DNAH6: variants seen among roughly 807,000 people sequenced by gnomAD.
DNAH6 encodes the protein axonemal beta dynein heavy chain 6.
A neutral mutation model predicts 491.4 loss-of-function variants in DNAH6; 340 were observed. The ratio of observed to expected loss-of-function variants is 0.69; its 90% CI spans 0.63 to 0.76. The LOEUF (loss-of-function observed/expected upper bound fraction) is 0.76, where lower values mean the gene tolerates loss of function less well. DNAH6 is among the 30% of genes least tolerant of loss of function. The pLI, the probability that DNAH6 is intolerant of heterozygous loss-of-function variation, is 0.00. For synonymous variants in DNAH6, 1,603 were observed against 1,686.1 expected (o/e 0.95, Z 1.21); for missense variants, 4,443 against 4,972.2 (o/e 0.89, Z 3.20).
At chr2:84,718,104 G>C in intron 58 of DNAH6, 100 bp from the exon 59 acceptor site, 1 of 977,394 alleles carries the variant, frequency 1.0e-6, no homozygotes. Context: ...CAGCTGAATA[G>C]TATTCAGAAT....
chr2:84,652,664 A>G (rs1305758253), intron 33 of DNAH6, among the ~76,000 whole-genome samples: 1 of 151,962 alleles, frequency 6.6e-6, no homozygotes, highest in African/African-American at 2.4e-5. Flanking sequence ...TTCTTCTAGT[A>G]CTTTCATCAC....
At chr2:84,552,686 A>G (rs1478843037) in intron 9 of DNAH6, among the ~76,000 whole-genome samples, 1 of 151,698 alleles carries the variant, frequency 6.6e-6, no homozygotes. Flanking sequence ...TTGCCTTTCC[A>G]TTTTGTTGGT....
chr2:84,687,117 G>A (rs1694338702), intron 44 of DNAH6, among the ~76,000 whole-genome samples: 1 of 152,060 alleles, frequency 6.6e-6, no homozygotes, highest in African/African-American at 2.4e-5. Flanking sequence ...ATTCCCTTAT[G>A]AGTTCCTCAA....
chr2:84,720,107 G>C (rs1024470957), intron 59 of DNAH6, among the ~76,000 whole-genome samples: 3 of 151,898 alleles, frequency 2.0e-5, no homozygotes, highest in Non-Finnish European at 4.4e-5. Context: ...CCTTCCATCA[G>C]AAAACCCTCT....
intron 19 of DNAH6, among the ~76,000 whole-genome samples, chr2:84,604,859 GA>G (rs1470650561): frequency 6.6e-6 from 1 of 152,092 alleles, no homozygotes; most frequent in East Asian, 1.9e-4. Context: ...AGCTACCAGA[GA>G]AATCTGTTAA....
intron 70 of DNAH6, among the ~76,000 whole-genome samples, chr2:84,803,963 T>C (rs1397870552): frequency 6.6e-6 from 1 of 152,090 alleles, no homozygotes; most frequent in African/African-American, 2.4e-5. Flanking sequence ...TCCCAGCACT[T>C]TGAGAGGCCA....
intron 14 of DNAH6, among the ~76,000 whole-genome samples, chr2:84,581,401 G>A (rs4832096): frequency 0.93 from 141,833 of 152,302 alleles, 66,091 homozygotes; most frequent in East Asian, 0.99. Flanking sequence ...ATCACTTAGC[G>A]TGGTGCAAAA....
intron 34 of DNAH6, among the ~76,000 whole-genome samples, chr2:84,654,138 GGAGA>G (rs368820315): frequency 2.6e-5 from 4 of 150,970 alleles, no homozygotes; most frequent in East Asian, 1.9e-4. Flanking sequence ...GAAAGAAAGA[GGAGA>G]GAGAGAGAGA....
intron 75 of DNAH6, among the ~76,000 whole-genome samples, 154 bp downstream of exon 75, chr2:84,814,276 A>G (rs1573891099): frequency 6.6e-6 from 1 of 152,232 alleles, no homozygotes; most frequent in South Asian, 2.1e-4. Flanking sequence ...AAGCTCCCCA[A>G]TTAGCAATGA....
intron 64 of DNAH6, among the ~76,000 whole-genome samples, chr2:84,765,224 G>A (rs1239986509): frequency 2.0e-5 from 3 of 152,044 alleles, no homozygotes; most frequent in African/African-American, 4.8e-5. Context: ...CAGAATAGAA[G>A]TGACCTTGGG....
intron 40 of DNAH6, among the ~76,000 whole-genome samples, chr2:84,676,786 C>T (rs191006228): frequency 1.3e-5 from 2 of 152,290 alleles, no homozygotes; most frequent in Admixed American, 1.3e-4. Context: ...GCTGAGTGAC[C>T]TTGAGCAACT....
intron 63 of DNAH6, among the ~76,000 whole-genome samples, chr2:84,748,912 C>A (rs762762538): frequency 1.3e-5 from 2 of 152,182 alleles, no homozygotes; most frequent in Non-Finnish European, 2.9e-5. Context: ...CCTCAGGAAT[C>A]TTTTACATAT....
intron 2 of DNAH6, among the ~76,000 whole-genome samples, chr2:84,520,429 C>T (rs770313523): frequency 6.6e-5 from 10 of 152,080 alleles, no homozygotes; most frequent in East Asian, 1.9e-4. Context: ...ACTTTTTTAA[C>T]GTTTATTTTA....
In DNAH6 at chr2:84,552,572, A is replaced by T. The variant is rs114731267; in HGVS notation, c.1486-346A>T. ...TTTCTATGTAAAGATTCATTAATAT[A>T]TTATTGGCATATATTCCTATTAAGT... On this transcript the variant is annotated intron_variant, in intron 9 of 76. Coordinates refer to ENST00000389394, the MANE Select transcript of DNAH6 (RefSeq NM_001370.2). Among the ~76,000 whole-genome samples the T allele has an allele frequency of 2.5e-3, 382 of 152,320 alleles. 2 individuals are homozygous for T. Among genetic ancestry groups the T allele is most frequent in the African/African-American group, 8.9e-3 (371 of 41,562 alleles).
intron 49 of DNAH6, 86 bp downstream of exon 49, chr2:84,701,425 C>T: frequency 7.4e-7 from 1 of 1,354,036 alleles, no homozygotes; most frequent in Non-Finnish European, 1.0e-6. Context: ...CACTGTCTTA[C>T]CTGTCAGGGC....
intron 60 of DNAH6, among the ~76,000 whole-genome samples, chr2:84,726,130 C>T (rs1219424135): frequency 3.3e-5 from 5 of 152,198 alleles, no homozygotes; most frequent in South Asian, 2.1e-4. Context: ...GAAAGGCCTG[C>T]ACAGCCTCCG....
At chr2:84,579,485 A>C (rs1412108371) in intron 13 of DNAH6, 42 bp from the exon 14 acceptor site, 1 of 1,600,008 alleles carries the variant, frequency 6.2e-7, no homozygotes, top group Non-Finnish European at 8.6e-7. Context: ...ATAAAATGAA[A>C]ATATTCGACT....
intron 4 of DNAH6, among the ~76,000 whole-genome samples, chr2:84,539,127 T>C (rs1420510697): frequency 6.6e-6 from 1 of 152,106 alleles, no homozygotes; most frequent in African/African-American, 2.4e-5. Context: ...TAAGTCAAAT[T>C]TGAGTCAGCA....
intron 62 of DNAH6, among the ~76,000 whole-genome samples, chr2:84,736,061 A>G (rs989272238): frequency 1.3e-5 from 2 of 152,112 alleles, no homozygotes; most frequent in African/African-American, 2.4e-5. Context: ...GTCCAGTTTC[A>G]TTCTTCTGCA....
Sources: allele counts gnomAD v4.1 joint callset (sites outside exome capture counted in the v4.1 genomes callset), GRCh38; gene constraint gnomAD v4.1.1; transcripts MANE v1.5; gene names NCBI Gene and HGNC (gene_info 2026-07-23, HGNC 2026-07-21).